Variants in TENM2 observed in about 807,000 individuals in gnomAD.
TENM2 encodes teneurin-2.
TENM2 carries 52 observed loss-of-function variants against 245.2 expected under a neutral mutation model. The observed-to-expected ratio is 0.21, with a 90% CI of 0.17 to 0.27. TENM2 has a LOEUF of 0.27. Among genes scored for constraint, TENM2 ranks in the 10% least tolerant of loss-of-function variants. The pLI, the probability that TENM2 is intolerant of heterozygous loss-of-function variation, is 1.00. For synonymous variants in TENM2, 1,363 were observed against 1,438.9 expected (o/e 0.95, Z 1.19); for missense variants, 3,046 against 3,666.8 (o/e 0.83, Z 4.37).
At chr5:167,700,946 T>A (rs1176334229) in intron 2 of TENM2, among the ~76,000 whole-genome samples, 1 of 113,048 alleles carries the variant, frequency 8.8e-6, no homozygotes, top group Non-Finnish European at 1.8e-5. Flanking sequence ...TTGTTATATT[T>A]CTTAAAAAAA....
the TENM2 span, among the ~76,000 whole-genome samples, chr5:167,203,592 T>C: frequency 6.6e-6 from 1 of 152,170 alleles, no homozygotes; most frequent in Non-Finnish European, 1.5e-5. Context: ...GGCAAAGTCC[T>C]CTGCATTTTA....
chr5:167,369,305 G>C (rs1479007740), intron 1 of TENM2, among the ~76,000 whole-genome samples: 2 of 152,156 alleles, frequency 1.3e-5, no homozygotes, highest in Non-Finnish European at 2.9e-5. Flanking sequence ...TAGAAAAGGG[G>C]AACACTAAAT....
At chr5:167,612,211 T>C (rs1459925748) in intron 2 of TENM2, among the ~76,000 whole-genome samples, 1 of 152,088 alleles carries the variant, frequency 6.6e-6, no homozygotes, top group Non-Finnish European at 1.5e-5. Context: ...CAATGTGTCC[T>C]AAATAGAGCT....
intron 2 of TENM2, among the ~76,000 whole-genome samples, chr5:167,678,281 A>C (rs1197483787): frequency 1.3e-5 from 2 of 152,110 alleles, no homozygotes; most frequent in South Asian, 2.1e-4. Flanking sequence ...GGGAAAAGTA[A>C]ATGTCTGAAA....
the TENM2 span, among the ~76,000 whole-genome samples, chr5:167,279,230 G>A: frequency 6.6e-6 from 1 of 152,050 alleles, no homozygotes; most frequent in African/African-American, 2.4e-5. Flanking sequence ...GTTTTCAGAA[G>A]TTTGACTATG....
chr5:167,493,185 G>A (rs1294517429), intron 2 of TENM2, among the ~76,000 whole-genome samples: 3 of 152,048 alleles, frequency 2.0e-5, no homozygotes, highest in Non-Finnish European at 4.4e-5. Context: ...GGCCAAAGCA[G>A]AAGGATTCCT....
chr5:167,761,680 C>T (rs1188064237), intron 2 of TENM2, among the ~76,000 whole-genome samples: 3 of 152,174 alleles, frequency 2.0e-5, no homozygotes, highest in Admixed American at 6.6e-5. Flanking sequence ...AATGGCTCTG[C>T]AGACCATGGA....
chr5:167,739,226 A>G (rs1224204823), intron 2 of TENM2, among the ~76,000 whole-genome samples: 1 of 152,178 alleles, frequency 6.6e-6, no homozygotes, highest in Admixed American at 6.5e-5. Flanking sequence ...TAATTTGGGA[A>G]TAGTCTATTT....
intron 9 of TENM2, among the ~76,000 whole-genome samples, chr5:168,098,515 C>G (rs1793548055): frequency 6.6e-6 from 1 of 152,016 alleles, no homozygotes; most frequent in Non-Finnish European, 1.5e-5. Context: ...CAGCTACACT[C>G]TTAATCTAGG....
intron 1 of TENM2, chr5:167,309,655 T>G (rs534095091): frequency 2.3e-4 from 35 of 152,202 alleles, no homozygotes; most frequent in African/African-American, 7.7e-4. Context: ...AGGAGATCAC[T>G]CTTGTCAAAA....
Position 167,750,442 on chromosome 5 carries a change from T to C in TENM2, c.503-125544T>C, listed in dbSNP as rs189946574. On this transcript the variant is annotated intron_variant, in intron 2 of 28. Coordinates refer to ENST00000518659, the Ensembl canonical transcript of TENM2. ...TCATCCTGTAGTGGTCCTCTTCTTT[T>C]GACCTGCGCATTTTCTGGAGTTGTG... Among the ~76,000 whole-genome samples the C allele has an allele frequency of 2.0e-5, 3 of 152,284 alleles. 1 individual carries two copies. The highest frequency in any genetic ancestry group is 2.0e-4 in the Admixed American group (3 of 15,288).
intron 2 of TENM2, among the ~76,000 whole-genome samples, chr5:167,398,350 CTTCT>C (rs1233186022): frequency 6.7e-6 from 1 of 149,486 alleles, no homozygotes; most frequent in Non-Finnish European, 1.5e-5. Context: ...TCTTTCTTTC[CTTCT>C]TTCTTTCTTT....
chr5:167,681,018 A>G (rs2150375639), intron 2 of TENM2, among the ~76,000 whole-genome samples: 1 of 152,320 alleles, frequency 6.6e-6, no homozygotes, highest in South Asian at 2.1e-4. Flanking sequence ...TGAGTTGCTA[A>G]CTACAAAATG....
chr5:167,752,389 C>A (rs1194746521), intron 2 of TENM2, among the ~76,000 whole-genome samples: 6 of 150,324 alleles, frequency 4.0e-5, no homozygotes, highest in Admixed American at 3.3e-4. Context: ...GCTGGGATTA[C>A]TTGTGTAAGC....
At chr5:167,076,975 A>G in the TENM2 span, among the ~76,000 whole-genome samples, 1 of 151,920 alleles carries the variant, frequency 6.6e-6, no homozygotes, top group Non-Finnish European at 1.5e-5. Context: ...CAAGGCATGC[A>G]CCACCATACC....
chr5:167,290,769 C>CAA (rs35347108), intron 1 of TENM2, among the ~76,000 whole-genome samples: 3 of 122,564 alleles, frequency 2.4e-5, no homozygotes, highest in East Asian at 2.2e-4. Flanking sequence ...TTTTACAAGT[C>CAA]AAAAAAAAAA....
At chr5:167,109,627 T>C in the TENM2 span, among the ~76,000 whole-genome samples, 1 of 151,992 alleles carries the variant, frequency 6.6e-6, no homozygotes, top group Non-Finnish European at 1.5e-5. Context: ...AACTCACTTC[T>C]CACGTTCATC....
the TENM2 span, among the ~76,000 whole-genome samples, chr5:167,157,129 G>T: frequency 6.6e-6 from 1 of 152,142 alleles, no homozygotes. Flanking sequence ...ATCTGTTACA[G>T]TAGGAAAAAT....
intron 1 of TENM2, among the ~76,000 whole-genome samples, chr5:167,364,469 T>G (rs1049872114): frequency 6.6e-6 from 1 of 152,038 alleles, no homozygotes; most frequent in African/African-American, 2.4e-5. Context: ...ATAATTACAT[T>G]AAATATAAAT....
Sources: gnomAD v4.1 joint callset for allele counts (sites outside exome capture counted in the v4.1 genomes callset) on GRCh38, gnomAD v4.1.1 for gene constraint, MANE v1.5 for transcripts, NCBI Gene and HGNC (gene_info 2026-07-23, HGNC 2026-07-21) for gene names.